The following ZNF527 variants were observed in gnomAD, a reference collection of about 807,000 sequenced individuals.
ZNF527 encodes zinc finger protein 527.
Under a neutral mutation model 13.5 loss-of-function variants are expected in ZNF527, and 5 were observed. The ratio of observed to expected loss-of-function variants is 0.37; its 90% CI spans 0.19 to 0.78. The LOEUF is 0.78. Ranked by LOEUF, ZNF527 falls within the 30% of genes least tolerant of loss-of-function variation. The pLI, the probability that ZNF527 is intolerant of heterozygous loss-of-function variation, is 0.48. For missense variants in ZNF527, 628 were observed against 726.4 expected (o/e 0.86, Z 1.56); for synonymous variants, 209 against 243.1 (o/e 0.86, Z 1.30).
intron 4 of ZNF527, among the ~76,000 whole-genome samples, chr19:37,382,285 GTAGATAGA>G (rs10594777): frequency 0.26 from 39,086 of 149,062 alleles, 5,646 homozygotes; most frequent in African/African-American, 0.39. Context: ...AGATAGATAG[GTAGATAGA>G]TAGATAGATA....
intron 3 of ZNF527, 142 bp from the exon 4 acceptor site, chr19:37,380,135 A>G: frequency 7.1e-7 from 1 of 1,410,522 alleles, no homozygotes; most frequent in Non-Finnish European, 9.3e-7. Context: ...GCGTCATTCC[A>G]TTCTCTAGCT....
Position 37,389,552 on chromosome 19 carries a change from T to C in ZNF527, c.1503T>C (p.Ser501=), listed in dbSNP as rs763142744. Reference sequence around the variant, plus strand: ...CTGGAGAGAGACCATTTGAATGCAGTAAATGTGGGAAAGCCTTCAGTGATG... The same window carrying C: ...CTGGAGAGAGACCATTTGAATGCAGCAAATGTGGGAAAGCCTTCAGTGATG... ...IHTGERPFEC[S]KCGKAFSDAL... Residue 501 remains serine, a synonymous_variant, in exon 5 of 5, where the codon AGT becomes AGC. Coordinates refer to ENST00000436120, the MANE Select transcript of ZNF527 (RefSeq NM_032453.2). 1 of 1,614,124 alleles carries C rather than the reference T, an allele frequency of 6.2e-7. No homozygotes were observed. The highest frequency in any genetic ancestry group is 2.2e-5 in the East Asian group (1 of 44,862).
chr19:37,373,466 C>T (rs2040575047), intron 1 of ZNF527, among the ~76,000 whole-genome samples: 1 of 152,164 alleles, frequency 6.6e-6, no homozygotes, highest in African/African-American at 2.4e-5. Context: ...TGAGAGACTA[C>T]AATGGTCTGG....
At chr19:37,374,026 C>CT in intron 1 of ZNF527, 132 bp from the exon 2 acceptor site, 4 of 674,444 alleles carry the variant, frequency 5.9e-6, no homozygotes, top group Middle Eastern at 2.4e-4. Flanking sequence ...CCCCGCCACC[C>CT]TGGCCAGATC....
chr19:37,383,258 T>C (rs146833547), intron 4 of ZNF527, among the ~76,000 whole-genome samples: 2,053 of 152,040 alleles, frequency 0.014, 43 homozygotes, highest in East Asian at 0.053. Context: ...TTTTTTGAGA[T>C]GGAGCCTTGC....
intron 1 of ZNF527, among the ~76,000 whole-genome samples, chr19:37,372,994 A>G (rs1196001876): frequency 6.6e-6 from 1 of 152,196 alleles, no homozygotes; most frequent in Non-Finnish European, 1.5e-5. Context: ...TCCCATTCAG[A>G]CATCGTGGCC....
intron 4 of ZNF527, among the ~76,000 whole-genome samples, chr19:37,387,195 G>A (rs190442725): frequency 8.5e-5 from 13 of 152,254 alleles, no homozygotes; most frequent in East Asian, 1.9e-4. Context: ...GCCAAAATAC[G>A]TAGTTCTAAA....
At chr19:37,384,969 A>G (rs1244778697) in intron 4 of ZNF527, 1 of 701,738 alleles carries the variant, frequency 1.4e-6, no homozygotes, top group Admixed American at 2.0e-5. Context: ...CAGCATGCAC[A>G]CCACTGCACC....
chr19:37,384,296 C>T (rs115434761), intron 4 of ZNF527, among the ~76,000 whole-genome samples: 2,057 of 151,858 alleles, frequency 0.014, 45 homozygotes, highest in East Asian at 0.053. Flanking sequence ...TCAGCTTGGG[C>T]GACAGAGCAA....
At chr19:37,387,580 T>G (rs1217921650) in intron 4 of ZNF527, among the ~76,000 whole-genome samples, 1 of 152,232 alleles carries the variant, frequency 6.6e-6, no homozygotes, top group Non-Finnish European at 1.5e-5. Context: ...TTTCTCATTT[T>G]TTGAGATCAT....
At chr19:37,375,298 C>CTTTCTTTCTTTCT (rs1245241501) in intron 2 of ZNF527, among the ~76,000 whole-genome samples, 103 of 103,810 alleles carry the variant, frequency 9.9e-4, no homozygotes, top group Non-Finnish European at 1.6e-3. Flanking sequence ...TTCTTTCTTT[C>CTTTCTTTCTTTCT]TTTCTTTCTT....
chr19:37,389,037 T>C lies in ZNF527; in HGVS notation c.988T>C (p.Tyr330His). 2 of 1,614,202 alleles carry C rather than the reference T, an allele frequency of 1.2e-6. No homozygotes were observed. Among genetic ancestry groups the C allele is most frequent in the Non-Finnish European group, 1.7e-6 (2 of 1,180,024 alleles). ...AAGAACTCATATTGGGGAGAAACCT[T>C]ATGAATGTAAGGAATGTAACAAAGC... Reference protein sequence around the residue: ...HQRTHIGEKPYECKECNKAFR... With the variant: ...HQRTHIGEKPHECKECNKAFR... The change falls in exon 5 of 5, where the codon TAT becomes CAT. Residue 330 changes from tyrosine (Y) to histidine (H), a missense_variant. Around this residue, in one of 3 missense-constraint regions of ZNF527, gnomAD observed 592 missense variants for 678.0 expected, o/e 0.87. Transcript: ENST00000436120.
chr19:37,383,942 A>G (rs753520870), intron 4 of ZNF527, among the ~76,000 whole-genome samples: 15 of 152,220 alleles, frequency 9.9e-5, no homozygotes, highest in Non-Finnish European at 1.6e-4. Flanking sequence ...TTAATAAGTG[A>G]AAGTCTAATT....
intron 1 of ZNF527, among the ~76,000 whole-genome samples, chr19:37,372,542 G>A (rs1451263451): frequency 1.2e-4 from 16 of 131,440 alleles, no homozygotes; most frequent in Admixed American, 1.1e-3. Context: ...GTGCAATCTC[G>A]GCTCACAGCA....
chr19:37,375,318 T>TG (rs1568691596), intron 2 of ZNF527, among the ~76,000 whole-genome samples: 12 of 144,006 alleles, frequency 8.3e-5, no homozygotes, highest in African/African-American at 3.1e-4. Flanking sequence ...TTCTTTTCTT[T>TG]CTTTCTTTCT....
chr19:37,380,591 CTCT>C (rs2040646313), intron 4 of ZNF527, among the ~76,000 whole-genome samples: 1 of 152,088 alleles, frequency 6.6e-6, no homozygotes, highest in Non-Finnish European at 1.5e-5. Flanking sequence ...TCCTTCTCAG[CTCT>C]TCTTTTCCTT....
At position 37,371,138 on chromosome 19, in the gene ZNF527, C is replaced by T. The variant is rs943378197; in HGVS notation, c.-130C>T. 3.3e-5 allele frequency: 5 copies of T among 152,682 alleles called. No individual in the cohort carries two copies. Among genetic ancestry groups the T allele is most frequent in the African/African-American group, 9.7e-5 (4 of 41,430 alleles). 9.5% of individuals were successfully genotyped at this position (152,682 alleles called of 1,614,324 possible). A position where few individuals can be genotyped will look rare whatever the true frequency, so the allele number is the denominator to read the frequency against. The stretch of plus-strand genomic sequence containing the variant: ...TCAGAGTCCTGCATGCCTCAGTCCT[C>T]GCCTCGCTCCTCCTCGCGGAGGATT... On this transcript the variant is annotated 5_prime_UTR_variant, in exon 1 of 5. Coordinates refer to ENST00000436120, the MANE Select transcript of ZNF527 (RefSeq NM_032453.2).
intron 4 of ZNF527, among the ~76,000 whole-genome samples, chr19:37,382,851 C>T (rs767521845): frequency 5.3e-5 from 8 of 151,888 alleles, no homozygotes; most frequent in Admixed American, 1.3e-4. Flanking sequence ...TGACTACAGG[C>T]GCATGCCACC....
At chr19:37,384,963 A>G in intron 4 of ZNF527, 1 of 701,762 alleles carries the variant, frequency 1.4e-6, no homozygotes, top group East Asian at 2.7e-5. Context: ...TCACCTCAGC[A>G]TGCACACCAC....
Sources: allele counts gnomAD v4.1 joint callset (sites outside exome capture counted in the v4.1 genomes callset), GRCh38; gene constraint gnomAD v4.1.1; regional missense constraint gnomAD v4.1.1; transcripts MANE v1.5; gene names NCBI Gene and HGNC (gene_info 2026-07-23, HGNC 2026-07-21).